SEMA5A: variants seen among roughly 807,000 people sequenced by gnomAD.
SEMA5A encodes the protein semaphorin-5A.
SEMA5A carries 55 observed loss-of-function variants against 135.5 expected under a neutral mutation model. The observed-to-expected ratio is 0.41, with a 90% CI of 0.33 to 0.51. SEMA5A has a LOEUF of 0.51. Ranked by LOEUF, SEMA5A falls within the 20% of genes least tolerant of loss-of-function variation. SEMA5A has a pLI of 0.37. For missense variants in SEMA5A, 1,290 were observed against 1,419.9 expected, an observed-to-expected ratio of 0.91 and a Z score of 1.47; for synonymous variants, 580 against 546.5, an observed-to-expected ratio of 1.06 and a Z score of -0.85.
intron 11 of SEMA5A, among the ~76,000 whole-genome samples, chr5:9,181,964 C>CCCCAATCT (rs1474767505): frequency 4.6e-5 from 7 of 151,960 alleles, no homozygotes; most frequent in African/African-American, 1.7e-4. Context: ...CCTCAACTCA[C>CCCCAATCT]CCCAATCTCT....
At position 9,050,436 on chromosome 5, in the gene SEMA5A, C is replaced by G; in HGVS notation, c.2867G>C (p.Ser956Thr). 1.2e-6 allele frequency: 2 copies of G among 1,612,866 alleles called. No homozygotes were observed. The highest frequency in any genetic ancestry group is 4.5e-5 in the East Asian group (2 of 44,866). The stretch of plus-strand genomic sequence containing the variant: ...TCCACACCTTTTCTCTTCTACGCTA[C>G]TGGATCTTGCCACAGATACTTCTGG... ...FIPEVSVARSSSVEEKRCGEF... is the reference protein window; with the variant it reads ...FIPEVSVARSTSVEEKRCGEF... The change falls in exon 21 of 23, where the codon AGT becomes ACT. Residue 956 changes from serine (S) to threonine (T), a missense_variant. Around this residue, in one of 3 missense-constraint regions of SEMA5A, gnomAD observed 1,029 missense variants for 1,086.6 expected, o/e 0.95. Transcript: ENST00000382496.
chr5:9,346,462 G>C (rs1021477892), intron 3 of SEMA5A, among the ~76,000 whole-genome samples: 1 of 152,184 alleles, frequency 6.6e-6, no homozygotes, highest in African/African-American at 2.4e-5. Flanking sequence ...TAACATTTAA[G>C]CTATCTGCAG....
At chr5:9,378,261 T>G (rs1332584142) in intron 3 of SEMA5A, among the ~76,000 whole-genome samples, 5 of 152,196 alleles carry the variant, frequency 3.3e-5, no homozygotes, top group Non-Finnish European at 4.4e-5. Context: ...TTGCCTTTCC[T>G]GCATAAGGTG....
intron 3 of SEMA5A, among the ~76,000 whole-genome samples, chr5:9,352,594 A>T (rs771862963): frequency 5.9e-5 from 9 of 152,238 alleles, no homozygotes; most frequent in Non-Finnish European, 1.2e-4. Context: ...AGAAGCACTT[A>T]TGAACTATAT....
At chr5:9,394,535 A>G (rs1429102196) in intron 2 of SEMA5A, among the ~76,000 whole-genome samples, 2 of 152,154 alleles carry the variant, frequency 1.3e-5, no homozygotes, top group Non-Finnish European at 2.9e-5. Flanking sequence ...TTGCACGTAG[A>G]AAGTACCTAA....
intron 3 of SEMA5A, among the ~76,000 whole-genome samples, chr5:9,353,205 G>T (rs1754254590): frequency 8.6e-6 from 1 of 116,358 alleles, no homozygotes; most frequent in Non-Finnish European, 1.7e-5. Context: ...GGAAAGGAAA[G>T]GAAAGGAAAG....
intron 13 of SEMA5A, among the ~76,000 whole-genome samples, chr5:9,133,653 T>C (rs1248338556): frequency 6.6e-6 from 1 of 152,168 alleles, no homozygotes; most frequent in African/African-American, 2.4e-5. Context: ...TACCTTCTGA[T>C]CTTACTTGTT....
chr5:9,370,415 C>CACA lies in SEMA5A; in HGVS notation c.124+9405_124+9407dup, dbSNP rs376639294. ...ATCCATTCATTTTGGTGCTTTAGCA[C>CACA]ACAACATCACTGTGGATGACAGCAT... On this transcript the variant is annotated intron_variant, in intron 3 of 22. Coordinates refer to ENST00000382496, the MANE Select transcript of SEMA5A (RefSeq NM_003966.3). 2.5e-3 allele frequency among the ~76,000 whole-genome samples: 376 copies of CACA among 152,252 alleles called. 1 individual carries two copies. The highest frequency in any genetic ancestry group is 7.4e-3 in the African/African-American group (306 of 41,554).
chr5:9,088,735 G>A (rs1738870247), intron 16 of SEMA5A, among the ~76,000 whole-genome samples: 1 of 150,424 alleles, frequency 6.6e-6, no homozygotes, highest in Admixed American at 6.6e-5. Context: ...AAGAGATTTT[G>A]AACAGGTCAT....
At chr5:9,154,766 G>T in intron 11 of SEMA5A, 71 bp from the exon 12 acceptor site, 1 of 1,338,120 alleles carries the variant, frequency 7.5e-7, no homozygotes. Flanking sequence ...GTTAAACAGA[G>T]TGTGCTGTGT....
At chr5:9,477,377 G>A (rs376677785) in intron 1 of SEMA5A, among the ~76,000 whole-genome samples, 88 of 152,334 alleles carry the variant, frequency 5.8e-4, no homozygotes, top group South Asian at 4.4e-3. Flanking sequence ...TTTGAACTGC[G>A]TAATGGGCAG....
intron 5 of SEMA5A, among the ~76,000 whole-genome samples, chr5:9,264,336 G>A (rs780279078): frequency 4.6e-5 from 7 of 152,116 alleles, no homozygotes; most frequent in Middle Eastern, 3.4e-3. Flanking sequence ...GGAAGGTGAG[G>A]GAAAGTGGGA....
chr5:9,477,824 G>A lies in SEMA5A; in HGVS notation c.-174-39972C>T, dbSNP rs533867488. Among the ~76,000 whole-genome samples, 6 of 152,324 alleles carry A rather than the reference G, an allele frequency of 3.9e-5. No homozygotes were observed. The East Asian group carries it at 1.2e-3, about 29-fold the overall frequency. Reference sequence around the variant, plus strand: ...GGAAAATTTGCAGTCTGACCATGCAGTAGAAAAGAAAAAAACATTTCATAG... The same window carrying A: ...GGAAAATTTGCAGTCTGACCATGCAATAGAAAAGAAAAAAACATTTCATAG... On this transcript the variant is annotated intron_variant, in intron 1 of 22. Coordinates refer to ENST00000382496, the MANE Select transcript of SEMA5A (RefSeq NM_003966.3).
At chr5:9,390,888 T>A (rs1756130297) in intron 2 of SEMA5A, 1 of 152,238 alleles carries the variant, frequency 6.6e-6, no homozygotes, top group African/African-American at 2.4e-5. Context: ...ACAGGTTTCC[T>A]GAAATAGACC....
intron 2 of SEMA5A, among the ~76,000 whole-genome samples, chr5:9,393,208 T>C (rs1047367445): frequency 6.6e-6 from 1 of 152,222 alleles, no homozygotes; most frequent in Non-Finnish European, 1.5e-5. Context: ...ATGGGAAATA[T>C]GTTAATGAAA....
chr5:9,427,527 G>A (rs150718871), intron 2 of SEMA5A, among the ~76,000 whole-genome samples: 71 of 152,312 alleles, frequency 4.7e-4, no homozygotes, highest in African/African-American at 1.6e-3. Context: ...GAAATGTGCT[G>A]TCCTTCTCCT....
intron 13 of SEMA5A, among the ~76,000 whole-genome samples, chr5:9,126,179 C>G (rs548306685): frequency 1.6e-4 from 24 of 152,268 alleles, no homozygotes; most frequent in African/African-American, 5.8e-4. Context: ...TCTAGGGCTG[C>G]TGAAGGCCCC....
rs1048053897 is a variant in SEMA5A at position 9,418,119 on chromosome 5, G to A, written c.-78+19637C>T. On this transcript the variant is annotated intron_variant, in intron 2 of 22. Coordinates refer to ENST00000382496, the MANE Select transcript of SEMA5A (RefSeq NM_003966.3). ...AGCCTCCCGAGTAGCTGGGACTACAGGTGCCCGCTACCATGCCCGGCTAAT... is the reference window on the plus strand; with the variant it reads ...AGCCTCCCGAGTAGCTGGGACTACAAGTGCCCGCTACCATGCCCGGCTAAT... Among the ~76,000 whole-genome samples the A allele has an allele frequency of 5.5e-4, 83 of 152,078 alleles. 1 individual carries two copies. The highest frequency in any genetic ancestry group is 1.9e-4 in the Non-Finnish European group (13 of 67,996).
At chr5:9,137,126 C>A (rs1210807389) in intron 12 of SEMA5A, among the ~76,000 whole-genome samples, 1 of 152,130 alleles carries the variant, frequency 6.6e-6, no homozygotes, top group African/African-American at 2.4e-5. Context: ...ATCGTTATTA[C>A]CACCACTTTA....
Sources: allele counts gnomAD v4.1 joint callset (sites outside exome capture counted in the v4.1 genomes callset), GRCh38; gene constraint gnomAD v4.1.1; regional missense constraint gnomAD v4.1.1; transcripts MANE v1.5; gene names NCBI Gene and HGNC (gene_info 2026-07-23, HGNC 2026-07-21).